The following LMO7 variants were observed in gnomAD, a reference collection of about 807,000 sequenced individuals.
LMO7 encodes the protein LIM domain only protein 7.
A neutral mutation model predicts 206.5 loss-of-function variants in LMO7; 120 were observed. That is an observed-to-expected ratio of 0.58 (90% CI 0.50 to 0.68). LMO7 has a LOEUF of 0.68. Ranked by LOEUF, LMO7 falls within the 30% of genes least tolerant of loss-of-function variation. LMO7 has a pLI of 0.00. For missense variants in LMO7, 1,959 were observed against 1,957.9 expected, an observed-to-expected ratio of 1.00 and a Z score of -0.01; for synonymous variants, 706 against 681.5, an observed-to-expected ratio of 1.04 and a Z score of -0.56.
chr13:75,632,385 A>T (rs1216270974), upstream of LMO7, among the ~76,000 whole-genome samples: 1 of 152,152 alleles, frequency 6.6e-6, no homozygotes, highest in Non-Finnish European at 1.5e-5. Flanking sequence ...GAACAAATAC[A>T]TGAAATCTCC....
At chr13:75,777,186 T>C (rs1468554822) in intron 4 of LMO7, among the ~76,000 whole-genome samples, 1 of 152,260 alleles carries the variant, frequency 6.6e-6, no homozygotes, top group Non-Finnish European at 1.5e-5. Flanking sequence ...CCTCCCCCAG[T>C]GTTCACTCAT....
At chr13:75,740,015 G>A (rs1288677956) in intron 3 of LMO7, among the ~76,000 whole-genome samples, 1 of 152,136 alleles carries the variant, frequency 6.6e-6, no homozygotes, top group Non-Finnish European at 1.5e-5. Context: ...AACATAAAAA[G>A]TACAAATATA....
intron 11 of LMO7, among the ~76,000 whole-genome samples, chr13:75,816,047 C>A (rs188900088): frequency 5.3e-5 from 8 of 152,262 alleles, no homozygotes; most frequent in African/African-American, 1.9e-4. Flanking sequence ...GATATCCATG[C>A]AGAAAGATTT....
chr13:75,684,934 T>C (rs9530460), intron 1 of LMO7, among the ~76,000 whole-genome samples: 62,301 of 152,076 alleles, frequency 0.41, 13,958 homozygotes, highest in Middle Eastern at 0.53. Context: ...TTTACACTTA[T>C]GCCAGCTGTT....
At chr13:75,682,059 G>T (rs542797342) in intron 1 of LMO7, among the ~76,000 whole-genome samples, 1 of 152,060 alleles carries the variant, frequency 6.6e-6, no homozygotes, top group Non-Finnish European at 1.5e-5. Context: ...AGAAATAGAT[G>T]AACTGCTTTC....
At chr13:75,701,231 T>C (rs2137904490) in intron 1 of LMO7, among the ~76,000 whole-genome samples, 1 of 152,304 alleles carries the variant, frequency 6.6e-6, no homozygotes, top group East Asian at 1.9e-4. Context: ...GCAGTGGGAA[T>C]CCATCAAGAA....
At chr13:75,625,985 A>G (rs2034004400) in intron 2 of LMO7, among the ~76,000 whole-genome samples, 1 of 152,196 alleles carries the variant, frequency 6.6e-6, no homozygotes, top group African/African-American at 2.4e-5. Context: ...ACTTCATTTC[A>G]TAGCTGTTTG....
At chr13:75,652,614 AGTGTGTGTGTGTGTGTGT>A (rs59671117) in intron 1 of LMO7, among the ~76,000 whole-genome samples, 2,192 of 137,940 alleles carry the variant, frequency 0.016, 20 homozygotes, top group Non-Finnish European at 0.024. Context: ...CCACAAGTTC[AGTGTGTGTGTGTGTGTGT>A]GTGTGTGTGT....
chr13:75,631,669 A>C (rs2034968050), upstream of LMO7: 1 of 152,330 alleles, frequency 6.6e-6, no homozygotes, highest in Admixed American at 6.5e-5. Context: ...TATAATCTTA[A>C]GTCATTCACT....
chr13:75,807,342 C>T, intron 9 of LMO7, 138 bp from the exon 10 acceptor site: 3 of 815,550 alleles, frequency 3.7e-6, no homozygotes, highest in Non-Finnish European at 5.7e-6. Flanking sequence ...AGAGTCCCCA[C>T]AATGGTCCTC....
At chr13:75,689,641 A>C (rs2041293513) in intron 1 of LMO7, among the ~76,000 whole-genome samples, 1 of 152,188 alleles carries the variant, frequency 6.6e-6, no homozygotes, top group Non-Finnish European at 1.5e-5. Context: ...AGACGGTGGA[A>C]AGAGCAGACT....
Position 75,808,025 on chromosome 13 carries a change from A to T in LMO7, c.1742A>T (p.Tyr581Phe), listed in dbSNP as rs777411601. 1 of 1,613,838 alleles carries T rather than the reference A, an allele frequency of 6.2e-7. No individual in the cohort carries two copies. ...SNSCRILVPS[Y>F]RQKKDDMLTR... is the part of the protein sequence containing the mutation. ...AGCTGTAGAATATTAGTTCCTTCAT[A>T]TCGGCAGAAGAAAGATGACATGCTG... is the stretch of plus-strand genomic sequence containing the variant. Residue 581 changes from tyrosine to phenylalanine, a missense_variant, in exon 10 of 31, where the codon TAT becomes TTT. Coordinates refer to ENST00000377534, the MANE Select transcript of LMO7 (RefSeq NM_001306080.2).
In LMO7 at chr13:75,710,950, CTTA is replaced by C. The variant is rs1483665216; in HGVS notation, c.70-2226_70-2224del. Among the ~76,000 whole-genome samples, 380 of 152,032 alleles carry C rather than the reference CTTA, an allele frequency of 2.5e-3. 2 individuals carry two copies. The highest frequency in any genetic ancestry group is 8.7e-3 in the African/African-American group (359 of 41,372). On this transcript the variant is annotated intron_variant, in intron 1 of 30. Coordinates refer to ENST00000377534, the MANE Select transcript of LMO7 (RefSeq NM_001306080.2). Reference sequence around the variant, plus strand: ...GTCTGTGGGTTTGTCATAGATAGCTCTTATTATTTTGAGATACGTCCCATCAAT... The same window carrying C: ...GTCTGTGGGTTTGTCATAGATAGCTCTTATTTTGAGATACGTCCCATCAAT...
At chr13:75,777,270 C>A (rs1345364074) in intron 4 of LMO7, among the ~76,000 whole-genome samples, 1 of 152,212 alleles carries the variant, frequency 6.6e-6, no homozygotes, top group Non-Finnish European at 1.5e-5. Flanking sequence ...ATTTAGGAAT[C>A]TGTATAAAAT....
chr13:75,667,170 A>G (rs2039147082), intron 1 of LMO7, among the ~76,000 whole-genome samples: 1 of 151,816 alleles, frequency 6.6e-6, no homozygotes, highest in Non-Finnish European at 1.5e-5. Context: ...GTAATGTGTC[A>G]TTTTTCTCTC....
At chr13:75,832,420 T>G (rs1325792561) in intron 15 of LMO7, among the ~76,000 whole-genome samples, 1 of 152,170 alleles carries the variant, frequency 6.6e-6, no homozygotes, top group Non-Finnish European at 1.5e-5. Context: ...CTTGGTATCT[T>G]AAGGAGTAAT....
intron 2 of LMO7, chr13:75,626,909 C>T (rs752652408): frequency 9.9e-5 from 15 of 151,960 alleles, no homozygotes; most frequent in Admixed American, 3.9e-4. Flanking sequence ...GTGTACGATA[C>T]ATTATTGTTG....
At chr13:75,771,086 G>T (rs1176143279) in intron 4 of LMO7, among the ~76,000 whole-genome samples, 1 of 152,078 alleles carries the variant, frequency 6.6e-6, no homozygotes, top group African/African-American at 2.4e-5. Flanking sequence ...ACATGATTGA[G>T]AATGCCTTAT....
At chr13:75,778,755 C>T (rs959950427) in intron 4 of LMO7, among the ~76,000 whole-genome samples, 11 of 152,152 alleles carry the variant, frequency 7.2e-5, no homozygotes, top group African/African-American at 2.7e-4. Flanking sequence ...TAGCTAAACT[C>T]GTTGAAGCTG....
Sources: allele counts gnomAD v4.1 joint callset (sites outside exome capture counted in the v4.1 genomes callset), GRCh38; gene constraint gnomAD v4.1.1; transcripts MANE v1.5; gene names NCBI Gene and HGNC (gene_info 2026-07-23, HGNC 2026-07-21).